NEK1: variants seen among roughly 807,000 people sequenced by gnomAD.
The protein encoded by NEK1 is NIMA related kinase 1.
A neutral mutation model predicts 182.1 loss-of-function variants in NEK1; 137 were observed. The ratio of observed to expected loss-of-function variants is 0.75; its 90% CI spans 0.65 to 0.87. NEK1 has a LOEUF of 0.87. NEK1 is among the 40% of genes least tolerant of loss of function. NEK1 has a pLI of 0.00. For synonymous variants in NEK1, 513 were observed against 492.2 expected, an observed-to-expected ratio of 1.04 and a Z score of -0.56; for missense variants, 1,391 against 1,494.4, an observed-to-expected ratio of 0.93 and a Z score of 1.14.
intron 27 of NEK1, among the ~76,000 whole-genome samples, chr4:169,452,205 C>T (rs1470992399): frequency 6.6e-6 from 1 of 152,132 alleles, no homozygotes; most frequent in Non-Finnish European, 1.5e-5. Context: ...AAGTCCAGGA[C>T]CAGATGGATT....
intron 31 of NEK1, among the ~76,000 whole-genome samples, chr4:169,419,784 A>C (rs1052070623): frequency 6.6e-6 from 1 of 152,168 alleles, no homozygotes; most frequent in Admixed American, 6.6e-5. Context: ...AGGCTACAAA[A>C]CCTGTATAGC....
intron 19 of NEK1, among the ~76,000 whole-genome samples, chr4:169,512,209 T>C (rs951612561): frequency 3.9e-5 from 6 of 152,180 alleles, no homozygotes; most frequent in African/African-American, 1.4e-4. Flanking sequence ...TTTTGCACAA[T>C]GGCTGTATCA....
intron 23 of NEK1, among the ~76,000 whole-genome samples, chr4:169,494,735 T>A (rs1194960513): frequency 6.6e-6 from 1 of 152,208 alleles, no homozygotes; most frequent in Non-Finnish European, 1.5e-5. Context: ...GTGTTCCTAT[T>A]TCTCCACATC....
chr4:169,395,149 A>T (rs1275826812), intron 35 of NEK1, among the ~76,000 whole-genome samples: 3 of 152,164 alleles, frequency 2.0e-5, no homozygotes, highest in African/African-American at 7.2e-5. Flanking sequence ...AATTAAACAG[A>T]CTGGTTAACT....
rs908699767 is a variant in NEK1 at position 169,394,521 on chromosome 4, T to C, written c.3850A>G (p.Asn1284Asp). The part of the protein sequence containing the change: ...VMADGAYQED[N>D]DE ...AAACATTTTGAGGATTATTCATCAT[T>C]ATCTGTAGAAAAAAGAAAAAAATTG... The change falls in exon 36 of 36, where the codon AAT becomes GAT. Residue 1284 changes from asparagine to aspartate, a missense_variant and splice_region_variant. Transcript: ENST00000507142. The C allele has an allele frequency of 3.8e-5, 54 of 1,406,060 alleles. No individual in the cohort carries two copies. Among genetic ancestry groups the C allele is most frequent in the Non-Finnish European group, 4.4e-5 (45 of 1,023,464 alleles). The allele number at this position is 1,406,060 out of a possible 1,614,324, so 87.1% of individuals were successfully genotyped here. A position where few individuals can be genotyped will look rare whatever the true frequency, so the allele number is the denominator to read the frequency against.
Position 169,559,546 on chromosome 4 carries a change from T to C in NEK1, c.1266+1934A>G, listed in dbSNP as rs190670825. Among the ~76,000 whole-genome samples, 30 of 152,242 alleles carry C rather than the reference T, an allele frequency of 2.0e-4. 1 individual carries two copies. The East Asian group carries it at 5.8e-3, about 29-fold the overall frequency. ...CTCAAGAGACTGAAAAACAAATCTA[T>C]AAATCCAGGGCAGAATGTATATGTC... On this transcript the variant is annotated intron_variant, in intron 16 of 35. Coordinates refer to ENST00000507142, the MANE Select transcript of NEK1 (RefSeq NM_001199397.3).
At chr4:169,472,760 T>C (rs1393616519) in intron 26 of NEK1, among the ~76,000 whole-genome samples, 14 of 152,338 alleles carry the variant, frequency 9.2e-5, no homozygotes, top group African/African-American at 2.6e-4. Flanking sequence ...GTCCTCACAT[T>C]CATTTATTTA....
At chr4:169,510,765 T>A (rs1754044448) in intron 19 of NEK1, among the ~76,000 whole-genome samples, 1 of 152,134 alleles carries the variant, frequency 6.6e-6, no homozygotes, top group African/African-American at 2.4e-5. Flanking sequence ...CAGTCATAAA[T>A]CCTACATTCT....
At chr4:169,460,237 C>A (rs1314955125) in intron 27 of NEK1, among the ~76,000 whole-genome samples, 3 of 151,736 alleles carry the variant, frequency 2.0e-5, no homozygotes, top group Admixed American at 6.6e-5. Flanking sequence ...TAAAAGAAAG[C>A]GGTACAACTG....
chr4:169,553,071 T>C (rs977607945), intron 18 of NEK1, among the ~76,000 whole-genome samples: 4 of 152,128 alleles, frequency 2.6e-5, no homozygotes, highest in South Asian at 2.1e-4. Context: ...GACAAACTTA[T>C]TATAAAGCTT....
intron 35 of NEK1, among the ~76,000 whole-genome samples, chr4:169,397,543 T>C (rs1042612210): frequency 3.3e-5 from 5 of 152,192 alleles, no homozygotes; most frequent in African/African-American, 1.2e-4. Flanking sequence ...TTAGAAAAGA[T>C]TGCCAGGGTA....
intron 19 of NEK1, among the ~76,000 whole-genome samples, chr4:169,518,896 T>C (rs1188088686): frequency 1.1e-5 from 1 of 91,064 alleles, no homozygotes; most frequent in Non-Finnish European, 2.0e-5. Context: ...TCTGTTCTTT[T>C]ACATTTGCTG....
chr4:169,479,573 A>G, intron 23 of NEK1, 39 bp from the exon 24 acceptor site: 1 of 1,500,364 alleles, frequency 6.7e-7, no homozygotes, highest in Non-Finnish European at 9.1e-7. Context: ...TAGGGATTTT[A>G]TATTTGTATG....
Position 169,438,033 on chromosome 4 carries a change from T to C in NEK1, c.2764+50A>G, listed in dbSNP as rs541068284. 260 of 1,400,224 alleles carry C rather than the reference T, an allele frequency of 1.9e-4. 3 individuals are homozygous for C. The East Asian group carries it at 5.5e-3, about 29-fold the overall frequency. 86.7% of individuals were successfully genotyped at this position (1,400,224 alleles called of 1,614,324 possible). A position where few individuals can be genotyped will look rare whatever the true frequency, so the allele number is the denominator to read the frequency against. On this transcript the variant is annotated intron_variant, in intron 28 of 35. Transcript: ENST00000507142. ...ATCTGTTTATAAAGCTTGTGAAATT[T>C]AAGTTTTTACTAAATCAAATATAGC...
At chr4:169,411,932 G>A (rs1733743726) in intron 31 of NEK1, among the ~76,000 whole-genome samples, 2 of 152,156 alleles carry the variant, frequency 1.3e-5, no homozygotes, top group African/African-American at 4.8e-5. Context: ...CTGACTAGCA[G>A]GCTCCAGATA....
At chr4:169,581,655 T>C (rs868407212) in intron 10 of NEK1, among the ~76,000 whole-genome samples, 1 of 152,142 alleles carries the variant, frequency 6.6e-6, no homozygotes, top group South Asian at 2.1e-4. Context: ...AAGGTAGGCA[T>C]CCATACATTA....
intron 19 of NEK1, among the ~76,000 whole-genome samples, chr4:169,526,035 A>G (rs985096345): frequency 2.0e-5 from 3 of 152,220 alleles, no homozygotes; most frequent in Admixed American, 6.5e-5. Context: ...TTTTATTAAT[A>G]AGGTTCAGAG....
chr4:169,587,589 G>C lies in NEK1; in HGVS notation c.576C>G (p.Val192=). 1 of 1,550,686 alleles carries C rather than the reference G, an allele frequency of 6.4e-7. No homozygotes were observed. The highest frequency in any genetic ancestry group is 8.7e-7 in the Non-Finnish European group (1 of 1,144,690). ...NKSDIWALGC[V]LYELCTLKHA... ...GTTTAAGTGTACACAGCTCATAAAGGACACACCCCAGAGCCCAAATGTCAC... is the reference window on the plus strand; with the variant it reads ...GTTTAAGTGTACACAGCTCATAAAGCACACACCCCAGAGCCCAAATGTCAC... Residue 192 remains valine (V), a synonymous_variant, in exon 9 of 36, where the codon GTC becomes GTG. Coordinates refer to ENST00000507142, the MANE Select transcript of NEK1 (RefSeq NM_001199397.3).
At chr4:169,537,986 T>A in intron 18 of NEK1, 75 bp from the exon 19 acceptor site, 1 of 1,070,134 alleles carries the variant, frequency 9.3e-7, no homozygotes, top group Non-Finnish European at 1.3e-6. Context: ...ACATTTATCC[T>A]AAATTTTTTT....
Sources: gnomAD v4.1 joint callset for allele counts (sites outside exome capture counted in the v4.1 genomes callset) on GRCh38, gnomAD v4.1.1 for gene constraint, MANE v1.5 for transcripts, NCBI Gene and HGNC (gene_info 2026-07-23, HGNC 2026-07-21) for gene names.